CYP46A1: variants seen among roughly 807,000 people sequenced by gnomAD.
CYP46A1 encodes the protein cytochrome P450 family 46 subfamily A member 1, also known as cholesterol 24-hydroxylase.
A neutral mutation model predicts 63.3 loss-of-function variants in CYP46A1; 20 were observed. The ratio of observed to expected loss-of-function variants is 0.32; its 90% confidence interval spans 0.22 to 0.46. The LOEUF is 0.46. Among genes scored for constraint, CYP46A1 ranks in the 20% least tolerant of loss-of-function variants. CYP46A1 has a pLI of 1.00. For missense variants in CYP46A1, 445 were observed against 670.8 expected (o/e 0.66, Z 3.72); for synonymous variants, 268 against 273.6 (o/e 0.98, Z 0.20).
intron 10 of CYP46A1, among the ~76,000 whole-genome samples, chr14:99,719,665 G>T (rs1272522537): frequency 6.6e-6 from 1 of 151,414 alleles, no homozygotes. Context: ...TACAGTATTT[G>T]TCTTTTTTGT....
intron 6 of CYP46A1, among the ~76,000 whole-genome samples, 156 bp downstream of exon 6, chr14:99,706,941 C>G (rs1247370839): frequency 2.6e-5 from 4 of 152,198 alleles, no homozygotes; most frequent in Admixed American, 2.6e-4. Context: ...ATTCTGTCTC[C>G]TTCAATATTC....
chr14:99,723,064 A>G, intron 12 of CYP46A1: 1 of 295,642 alleles, frequency 3.4e-6, no homozygotes, highest in African/African-American at 2.1e-5. Flanking sequence ...CATCTCCAGC[A>G]CTTAGCATGG....
chr14:99,726,004 G>C (rs2056892781), intron 13 of CYP46A1, among the ~76,000 whole-genome samples, 186 bp from the exon 14 acceptor site: 1 of 152,204 alleles, frequency 6.6e-6, no homozygotes, highest in Non-Finnish European at 1.5e-5. Flanking sequence ...AGGGTAAAAG[G>C]AGGAGAAAAA....
In CYP46A1 at chr14:99,691,816, C is replaced by T. The variant is rs1462140885; in HGVS notation, c.237C>T (p.Val79=). The part of the protein sequence containing the change: ...KKYGPVVRVN[V]FHKTSVIVTS... ...ATGGACCTGTTGTGCGGGTCAACGT[C>T]TTCCACAAAACCTCAGTCATCGTCA... Residue 79 remains valine, a synonymous_variant, in exon 3 of 15, where the codon GTC becomes GTT. Transcript: ENST00000261835. 1 of 1,614,218 alleles carries T rather than the reference C, an allele frequency of 6.2e-7. No homozygotes were observed. The highest frequency in any genetic ancestry group is 1.7e-5 in the Admixed American group (1 of 60,026).
chr14:99,717,924 C>A (rs2140136797), intron 9 of CYP46A1, 130 bp from the exon 10 acceptor site: 2 of 677,802 alleles, frequency 3.0e-6, no homozygotes, highest in South Asian at 1.9e-5. Flanking sequence ...AAGGAAGGGG[C>A]TTTTAGAGCC....
intron 7 of CYP46A1, chr14:99,708,891 C>A (rs2056704584): frequency 1.3e-5 from 2 of 152,376 alleles, no homozygotes; most frequent in Non-Finnish European, 2.9e-5. Flanking sequence ...CTCAGCAAAG[C>A]CTCAGGATGG....
intron 10 of CYP46A1, among the ~76,000 whole-genome samples, chr14:99,719,620 T>C (rs1049170104): frequency 1.3e-5 from 2 of 152,122 alleles, no homozygotes; most frequent in African/African-American, 4.8e-5. Context: ...CTCTGTGTGT[T>C]TGTCTATTCT....
chr14:99,700,228 G>A, intron 5 of CYP46A1, 127 bp downstream of exon 5: 1 of 526,904 alleles, frequency 1.9e-6, no homozygotes, highest in Non-Finnish European at 3.2e-6. Flanking sequence ...AGGGAGAGAG[G>A]AAAAAGGGGA....
rs985887251 is a variant in CYP46A1 at position 99,727,012 on chromosome 14, A to G, written c.*285A>G. 3 of 377,866 alleles carry G rather than the reference A, an allele frequency of 7.9e-6. No individual in the cohort carries two copies. In the Admixed American group the frequency reaches 1.3e-4, roughly 17 times the overall value. The allele number at this position is 377,866 out of a possible 1,614,324, so 23.4% of individuals were successfully genotyped here. The stretch of plus-strand genomic sequence containing the variant: ...GCCACTTGCTCAGACGAGACACCCT[A>G]ACTCTTGCTCACTCCCTAAAGCCCT... On this transcript the variant is annotated 3_prime_UTR_variant, in exon 15 of 15. Coordinates refer to ENST00000261835, the MANE Select transcript of CYP46A1 (RefSeq NM_006668.2).
chr14:99,720,080 A>C (rs2056831929), intron 10 of CYP46A1, among the ~76,000 whole-genome samples: 1 of 152,096 alleles, frequency 6.6e-6, no homozygotes, highest in Non-Finnish European at 1.5e-5. Flanking sequence ...TTCCTTTTTA[A>C]GACTTACTAA....
chr14:99,726,276 G>C lies in CYP46A1; in HGVS notation c.1332+20G>C, dbSNP rs1429476522. Reference sequence around the variant, plus strand: ...GCTCAGGTAGGAGGGGCAGGGCTGTGGTTCTGCCCAGGAGTAGCTGCAGGG... The same window carrying C: ...GCTCAGGTAGGAGGGGCAGGGCTGTCGTTCTGCCCAGGAGTAGCTGCAGGG... On this transcript the variant is annotated intron_variant, in intron 14 of 14. Transcript: ENST00000261835. The C allele has an allele frequency of 6.2e-7, 1 of 1,611,306 alleles. No homozygotes were observed. Among genetic ancestry groups the C allele is most frequent in the Admixed American group, 1.7e-5 (1 of 59,984 alleles).
rs2056903289 is a variant in CYP46A1, at chr14:99,726,676, C to T, written c.1452C>T (p.Cys484=). The change falls in exon 15 of 15, where the codon TGC becomes TGT. Residue 484 remains cysteine, a synonymous_variant. Transcript: ENST00000261835. ...TCAAGCCACTGGACCCCGTGCTGTG[C>T]ACCCTGCGGCCCCGCGGCTGGCAGC... ...ATLKPLDPVL[C]TLRPRGWQPA... The T allele has an allele frequency of 6.4e-7, 1 of 1,554,778 alleles. No individual in the cohort carries two copies.
intron 14 of CYP46A1, 142 bp from the exon 15 acceptor site, chr14:99,726,415 G>A (rs981372250): frequency 4.0e-5 from 46 of 1,152,552 alleles, no homozygotes; most frequent in South Asian, 5.1e-5. Context: ...TGTTTTGCAC[G>A]GAGGAGAGCG....
In CYP46A1 at chr14:99,721,353, CG is replaced by C. The variant is rs778137468; in HGVS notation, c.1065+32del. 5.5e-6 allele frequency: 8 copies of C among 1,448,336 alleles called. No individual in the cohort carries two copies. The Admixed American group carries it at 1.3e-4, about 24-fold the overall frequency. The allele number at this position is 1,448,336 out of a possible 1,614,324, so 89.7% of individuals were successfully genotyped here. ...GGGAAGTAGGAGGGAAGCTTCTGGG[CG>C]GATGTGGGTGATCATGTCATCATGC... On this transcript the variant is annotated intron_variant, in intron 11 of 14. Coordinates refer to ENST00000261835, the MANE Select transcript of CYP46A1 (RefSeq NM_006668.2).
chr14:99,699,964 C>CGGGGGGG, intron 4 of CYP46A1, 51 bp from the exon 5 acceptor site: 5 of 773,842 alleles, frequency 6.5e-6, no homozygotes, highest in South Asian at 1.7e-5. Context: ...ATCAAGCAGT[C>CGGGGGGG]GCTCCCCACC....
At chr14:99,697,908 C>T (rs1225437934) in intron 3 of CYP46A1, among the ~76,000 whole-genome samples, 1 of 152,034 alleles carries the variant, frequency 6.6e-6, no homozygotes, top group Non-Finnish European at 1.5e-5. Flanking sequence ...CTAAGAATGG[C>T]TCACTTAGAC....
intron 7 of CYP46A1, chr14:99,713,340 G>C (rs1438453306): frequency 6.6e-6 from 1 of 151,856 alleles, no homozygotes; most frequent in Non-Finnish European, 1.5e-5. Flanking sequence ...TGAGGCAGGA[G>C]AATCACTTGA....
chr14:99,698,575 C>T (rs549348192), intron 3 of CYP46A1, among the ~76,000 whole-genome samples: 75 of 152,144 alleles, frequency 4.9e-4, no homozygotes, highest in Non-Finnish European at 9.7e-4. Context: ...GTGCCGGGCA[C>T]CATTCTTAGC....
chr14:99,725,712 C>T lies in CYP46A1; in HGVS notation c.1265+233C>T, dbSNP rs112680767. ...TAAAGCTCATGCTCATAAGCAGCAC[C>T]AAATACTGGGAAGCTGGGTGACTTC... On this transcript the variant is annotated intron_variant, in intron 13 of 14. Coordinates refer to ENST00000261835, the MANE Select transcript of CYP46A1 (RefSeq NM_006668.2). This position sits in a 1 kb window ranked among gnomAD's most constrained non-coding sequence, Gnocchi z 4.2. Among the ~76,000 whole-genome samples, 325 of 152,318 alleles carry T rather than the reference C, an allele frequency of 2.1e-3. 3 individuals are homozygous for T. The highest frequency in any genetic ancestry group is 7.4e-3 in the African/African-American group (306 of 41,564).
Sources: allele counts gnomAD v4.1 joint callset (sites outside exome capture counted in the v4.1 genomes callset), GRCh38; gene constraint gnomAD v4.1.1; non-coding constraint Gnocchi (gnomAD v3.1); transcripts MANE v1.5; gene names NCBI Gene and HGNC (gene_info 2026-07-23, HGNC 2026-07-21).